The following FAS variants were observed in gnomAD, a reference collection of about 807,000 sequenced individuals.
FAS encodes the protein Fas cell surface death receptor.
A neutral mutation model predicts 33.2 loss-of-function variants in FAS; 5 were observed. The observed-to-expected ratio is 0.15, with a 90% CI of 0.08 to 0.32. FAS has a LOEUF of 0.32. Ranked by LOEUF, FAS falls within the 10% of genes least tolerant of loss-of-function variation. The pLI is 1.00. For synonymous variants in FAS, 131 were observed against 130.7 expected, an observed-to-expected ratio of 1.00 and a Z score of -0.01; for missense variants, 339 against 386.0, an observed-to-expected ratio of 0.88 and a Z score of 1.02.
upstream of FAS, among the ~76,000 whole-genome samples, chr10:88,987,519 C>T (rs1846938867): frequency 6.6e-6 from 1 of 152,336 alleles, no homozygotes; most frequent in Admixed American, 6.5e-5. Context: ...GTTTTCAGCT[C>T]TGGCAGGGCC....
chr10:89,008,908 C>T lies in FAS; in HGVS notation c.354C>T (p.Asn118=), dbSNP rs1266114057. 3 of 1,613,898 alleles carry T rather than the reference C, an allele frequency of 1.9e-6. No individual in the cohort carries two copies. In the Admixed American group the frequency reaches 5.0e-5, roughly 27 times the overall value. ...TTCTAGGCTTAGAAGTGGAAATAAA[C>T]TGCACCCGGACCCAGAATACCAAGT... The part of the protein sequence containing the change: ...DEGHGLEVEI[N]CTRTQNTKCR... Residue 118 remains asparagine, a synonymous_variant, in exon 4 of 9, where the codon AAC becomes AAT. Transcript: ENST00000652046.
intron 1 of FAS, among the ~76,000 whole-genome samples, chr10:88,995,472 T>C (rs1464610151): frequency 6.6e-6 from 1 of 152,222 alleles, no homozygotes; most frequent in Non-Finnish European, 1.5e-5. Flanking sequence ...ATCATAGTTA[T>C]ATAGGACAAC....
At chr10:88,990,183 A>T (rs1311816800), upstream of FAS, among the ~76,000 whole-genome samples, 5 of 152,192 alleles carry the variant, frequency 3.3e-5, no homozygotes, top group Admixed American at 3.3e-4. This position sits in a 1 kb window ranked among gnomAD's most constrained non-coding sequence, Gnocchi z 4.9. Context: ...GTACTTTTTC[A>T]TATGGTTAAC....
intron 7 of FAS, among the ~76,000 whole-genome samples, 199 bp from the exon 8 acceptor site, chr10:89,013,144 C>T (rs1848613901): frequency 6.6e-6 from 1 of 152,082 alleles, no homozygotes; most frequent in Non-Finnish European, 1.5e-5. Flanking sequence ...TAGTTTCTGG[C>T]AAGGCCGGAA....
At chr10:88,993,025 G>C (rs1847349168) in intron 1 of FAS, among the ~76,000 whole-genome samples, 1 of 152,168 alleles carries the variant, frequency 6.6e-6, no homozygotes. Flanking sequence ...AGATGGGTGG[G>C]GAGCTGTTTT....
At chr10:88,982,914 A>T (rs1364782277), upstream of FAS, among the ~76,000 whole-genome samples, 2 of 152,116 alleles carry the variant, frequency 1.3e-5, no homozygotes, top group Non-Finnish European at 2.9e-5. Flanking sequence ...TATCTGTTTG[A>T]GGTAAACAAC....
chr10:88,966,085 T>C (rs1279819626), intron 1 of FAS, among the ~76,000 whole-genome samples: 1 of 152,180 alleles, frequency 6.6e-6, no homozygotes, highest in African/African-American at 2.4e-5. Flanking sequence ...TCCTAATACA[T>C]TCCTGGGGCT....
chr10:88,982,660 GT>G (rs907622782), upstream of FAS, among the ~76,000 whole-genome samples: 14 of 151,550 alleles, frequency 9.2e-5, no homozygotes, highest in African/African-American at 2.7e-4. Flanking sequence ...AATGAACTAA[GT>G]TTTTTTTTCT....
chr10:88,992,256 T>A (rs1276364903), intron 1 of FAS: 2 of 152,214 alleles, frequency 1.3e-5, no homozygotes, highest in Non-Finnish European at 2.9e-5. Flanking sequence ...TGTGCACTAT[T>A]TGGGATTCTT....
chr10:88,992,603 AAGTT>A (rs1847311089), intron 1 of FAS: 1 of 152,170 alleles, frequency 6.6e-6, no homozygotes, highest in Non-Finnish European at 1.5e-5. Context: ...TAATACCTAT[AAGTT>A]AGGTATAACT....
chr10:89,014,143 C>A lies in FAS; in HGVS notation c.701C>A (p.Thr234Asn), dbSNP rs1848666499. The change falls in exon 9 of 9, where the codon ACC (threonine) becomes AAC (asparagine). Residue 234 changes from threonine to asparagine, a missense_variant. Coordinates refer to ENST00000652046, the MANE Select transcript of FAS (RefSeq NM_000043.6). ...GATGTTGACTTGAGTAAATATATCA[C>A]CACTATTGCTGGAGTCATGACACTA... ...LSDVDLSKYI[T>N]TIAGVMTLSQ... 2 of 1,613,696 alleles carry A rather than the reference C, an allele frequency of 1.2e-6. No homozygotes were observed. The highest frequency in any genetic ancestry group is 1.7e-6 in the Non-Finnish European group (2 of 1,179,882).
At chr10:88,988,416 G>GTTT (rs748275082), upstream of FAS, among the ~76,000 whole-genome samples, 2 of 12,472 alleles carry the variant, frequency 1.6e-4, no homozygotes, top group African/African-American at 7.5e-4. Context: ...AGATGTAGAA[G>GTTT]TTTTTTTTTT....
chr10:88,971,387 T>C (rs968222681), intron 1 of FAS, among the ~76,000 whole-genome samples: 8 of 152,228 alleles, frequency 5.3e-5, no homozygotes, highest in African/African-American at 1.9e-4. Context: ...AGGGTGCCAA[T>C]GGCATGGAGC....
chr10:88,993,349 C>G (rs1450206249), intron 1 of FAS, among the ~76,000 whole-genome samples: 1 of 150,970 alleles, frequency 6.6e-6, no homozygotes. Context: ...GGCCAAGAAA[C>G]TTGAGCAGCC....
chr10:89,012,914 C>T (rs1848603617), intron 7 of FAS: 1 of 152,228 alleles, frequency 6.6e-6, no homozygotes, highest in Non-Finnish European at 1.5e-5. Flanking sequence ...TTATTTGGGG[C>T]CAGGGCTCAG....
At chr10:88,972,352 TA>T (rs1392923875) in intron 1 of FAS, among the ~76,000 whole-genome samples, 2 of 152,206 alleles carry the variant, frequency 1.3e-5, no homozygotes, top group Non-Finnish European at 2.9e-5. Context: ...TTATTTGTAA[TA>T]GTAATTGATG....
At chr10:88,993,378 G>A (rs55803311) in intron 1 of FAS, among the ~76,000 whole-genome samples, 13,280 of 151,528 alleles carry the variant, frequency 0.088, 757 homozygotes, top group Non-Finnish European at 0.12. Context: ...AAAGTCCCTC[G>A]CTCAGAAATG....
intron 2 of FAS, chr10:88,975,059 G>A (rs191191974): frequency 1.3e-5 from 2 of 152,042 alleles, no homozygotes; most frequent in South Asian, 2.1e-4. Flanking sequence ...CATGTAGTTC[G>A]TGCTCCATGC....
At chr10:88,976,631 G>A (rs906548829) in intron 2 of FAS, among the ~76,000 whole-genome samples, 4 of 152,120 alleles carry the variant, frequency 2.6e-5, no homozygotes, top group Admixed American at 2.6e-4. Context: ...ATAATCAGCA[G>A]CAATTCAATG....
Sources: gnomAD v4.1 joint callset for allele counts (sites outside exome capture counted in the v4.1 genomes callset) on GRCh38, gnomAD v4.1.1 for gene constraint, Gnocchi (gnomAD v3.1) non-coding constraint, MANE v1.5 for transcripts, NCBI Gene and HGNC (gene_info 2026-07-23, HGNC 2026-07-21) for gene names.